PCM1: variants seen among roughly 807,000 people sequenced by gnomAD.
PCM1 encodes the protein pericentriolar material 1.
A neutral mutation model predicts 241.9 loss-of-function variants in PCM1; 157 were observed. That is an observed-to-expected ratio of 0.65 (90% CI 0.57 to 0.74). PCM1 has a LOEUF of 0.74. Ranked by LOEUF, PCM1 falls within the 30% of genes least tolerant of loss-of-function variation. PCM1 has a pLI of 0.00. For synonymous variants in PCM1, 1,085 were observed against 784.9 expected, an observed-to-expected ratio of 1.38 and a Z score of -6.39; for missense variants, 3,478 against 2,360.1, an observed-to-expected ratio of 1.47 and a Z score of -9.81.
rs898656396 is a variant in PCM1, at chr8:18,029,292, T to G, written c.*1630T>G. 9.6e-6 allele frequency: 2 copies of G among 208,018 alleles called. No individual in the cohort carries two copies. Among genetic ancestry groups the G allele is most frequent in the African/African-American group, 2.3e-5 (1 of 43,926 alleles). The allele number at this position is 208,018 out of a possible 1,614,324, so 12.9% of individuals were successfully genotyped here. On this transcript the variant is annotated 3_prime_UTR_variant, in exon 39 of 39. Coordinates refer to ENST00000325083, the MANE Select transcript of PCM1 (RefSeq NM_006197.4). Reference sequence around the variant, plus strand: ...TACTTAAATTATGGAAGACAATATATCTTCAACTTTAATAAAACCTATTCA... The same window carrying G: ...TACTTAAATTATGGAAGACAATATAGCTTCAACTTTAATAAAACCTATTCA...
intron 7 of PCM1, among the ~76,000 whole-genome samples, chr8:17,949,100 T>C (rs1209809955): frequency 6.6e-6 from 1 of 152,178 alleles, no homozygotes; most frequent in African/African-American, 2.4e-5. Context: ...AAAAATACTA[T>C]TATGAGTCAG....
At chr8:18,002,001 T>C (rs1486418239) in intron 29 of PCM1, among the ~76,000 whole-genome samples, 38 of 8,038 alleles carry the variant, frequency 4.7e-3, no homozygotes, top group Non-Finnish European at 9.7e-3. Context: ...CTTTCTTTTT[T>C]TTTTTTTTTT....
At chr8:18,024,942 T>TA in intron 36 of PCM1, 1 of 153,956 alleles carries the variant, frequency 6.5e-6, no homozygotes, top group Non-Finnish European at 1.4e-5. Flanking sequence ...AAAAGACAGT[T>TA]ACTAAATTCA....
At chr8:17,968,057 A>C (rs1222657869) in intron 21 of PCM1, among the ~76,000 whole-genome samples, 1 of 147,144 alleles carries the variant, frequency 6.8e-6, no homozygotes, top group East Asian at 1.9e-4. Flanking sequence ...TCCGCCGCCA[A>C]AAAAAAAAAA....
Position 18,009,582 on chromosome 8 carries a change from A to C in PCM1, c.4998A>C (p.Lys1666Asn), listed in dbSNP as rs200349185. Residue 1666 changes from lysine (K) to asparagine (N), a missense_variant, in exon 31 of 39, where the codon AAA becomes AAC. By Grantham distance (94) the Lys-to-Asn change is moderately conservative. Coordinates refer to ENST00000325083, the MANE Select transcript of PCM1 (RefSeq NM_006197.4). ...CAAAATTTGCTGGCAGAAAACTGAA[A>C]GACTGTGGAGAAGATCTTCTTGTAG... Reference protein sequence around the residue: ...SLAKFAGRKLKDCGEDLLVEI... With the variant: ...SLAKFAGRKLNDCGEDLLVEI... 6.2e-7 allele frequency: 1 copy of C among 1,602,530 alleles called. No homozygotes were observed. The highest frequency in any genetic ancestry group is 8.5e-7 in the Non-Finnish European group (1 of 1,173,934).
chr8:18,017,376 A>AT, intron 36 of PCM1, among the ~76,000 whole-genome samples: 1 of 152,236 alleles, frequency 6.6e-6, no homozygotes, highest in East Asian at 1.9e-4. Context: ...AAAACACAAG[A>AT]TTGGATGGCA....
chr8:18,011,184 C>T, intron 32 of PCM1, 53 bp from the exon 33 acceptor site: 4 of 1,328,216 alleles, frequency 3.0e-6, no homozygotes, highest in Non-Finnish European at 4.1e-6. Context: ...TTACTATATA[C>T]CTTTTACACA....
chr8:17,984,974 G>T (rs917252681), intron 24 of PCM1, among the ~76,000 whole-genome samples: 1 of 151,798 alleles, frequency 6.6e-6, no homozygotes, highest in African/African-American at 2.4e-5. Context: ...GACTATACTG[G>T]ATAGACCTTA....
chr8:17,937,440 A>G, intron 4 of PCM1, 61 bp downstream of exon 4: 1 of 1,373,226 alleles, frequency 7.3e-7, no homozygotes, highest in African/African-American at 1.5e-5. Context: ...AATGGATTAA[A>G]TAATTTGTCT....
chr8:17,968,426 A>G (rs2075704627), intron 21 of PCM1, among the ~76,000 whole-genome samples: 2 of 152,184 alleles, frequency 1.3e-5, no homozygotes, highest in South Asian at 4.1e-4. Flanking sequence ...TGGTGAACAG[A>G]AGGCTGTCAT....
At chr8:18,000,281 A>G (rs528048511) in intron 29 of PCM1, among the ~76,000 whole-genome samples, 1 of 152,330 alleles carries the variant, frequency 6.6e-6, no homozygotes, top group African/African-American at 2.4e-5. Flanking sequence ...GGCAAGGGCT[A>G]ATTGTATAAA....
At chr8:17,943,265 T>C (rs1044482560) in intron 6 of PCM1, among the ~76,000 whole-genome samples, 7 of 151,858 alleles carry the variant, frequency 4.6e-5, no homozygotes, top group African/African-American at 1.7e-4. Flanking sequence ...TTATTTTTTC[T>C]GGTTCCTACA....
At position 17,957,377 on chromosome 8, in the gene PCM1, G is replaced by T. The variant is rs775691420; in HGVS notation, c.1760G>T (p.Arg587Ile). ...TVNSNCEINN[R>I]SAANIRALNM... ...AATTCTAATTGTGAAATTAACAACA[G>T]ATCTGCTGCCAACATAAGGGCTCTA... is the stretch of plus-strand genomic sequence containing the variant. Residue 587 changes from arginine to isoleucine, a missense_variant, in exon 12 of 39, where the codon AGA becomes ATA. Physicochemically the swap from Arg to Ile is moderately conservative, Grantham distance 97. Coordinates refer to ENST00000325083, the MANE Select transcript of PCM1 (RefSeq NM_006197.4). 3.1e-6 allele frequency: 5 copies of T among 1,612,440 alleles called. No individual in the cohort carries two copies. Among genetic ancestry groups the T allele is most frequent in the Admixed American group, 3.3e-5 (2 of 60,000 alleles).
chr8:17,951,049 A>C (rs906983638), intron 8 of PCM1, among the ~76,000 whole-genome samples: 8 of 152,346 alleles, frequency 5.3e-5, no homozygotes, highest in African/African-American at 1.9e-4. Context: ...TAAAAGACTT[A>C]ATGGTCACAA....
rs375045981 is a variant in PCM1 at position 17,986,120 on chromosome 8, T to A, written c.4410+33T>A. 4.3e-5 allele frequency: 60 copies of A among 1,400,476 alleles called. No homozygotes were observed. In the South Asian group the frequency reaches 5.4e-4, roughly 13 times the overall value. The allele number at this position is 1,400,476 out of a possible 1,614,324, so 86.8% of individuals were successfully genotyped here. On this transcript the variant is annotated intron_variant, in intron 26 of 38. Transcript: ENST00000325083. ...GATAATGATTAGTGAATTGTAGATA[T>A]AATTTTAGTATGCAGTAAATAAAAG...
intron 5 of PCM1, 51 bp from the exon 6 acceptor site, chr8:17,939,640 T>C (rs970002905): frequency 3.9e-5 from 41 of 1,053,850 alleles, no homozygotes; most frequent in Non-Finnish European, 5.3e-5. Context: ...TCCTTAGTTT[T>C]ATATATTGTG....
intron 26 of PCM1, among the ~76,000 whole-genome samples, chr8:17,986,600 T>C (rs2082687571): frequency 6.6e-6 from 1 of 151,608 alleles, no homozygotes; most frequent in Non-Finnish European, 1.5e-5. Flanking sequence ...AGAAGAGTGC[T>C]AAGGAGAATG....
rs1357825712 is a variant in PCM1, at chr8:17,969,685, C to A, written c.3521C>A (p.Thr1174Lys). 1.2e-6 allele frequency: 2 copies of A among 1,613,000 alleles called. No homozygotes were observed. Among genetic ancestry groups the A allele is most frequent in the Non-Finnish European group, 1.7e-6 (2 of 1,179,310 alleles). ...QPLAQNSSGK[T>K]EYMAFPKPFE... Reference sequence around the variant, plus strand: ...TTAGCCCAGAATTCTTCAGGAAAAACAGAATATATGGCTTTTCCAAAACCT... The same window carrying A: ...TTAGCCCAGAATTCTTCAGGAAAAAAAGAATATATGGCTTTTCCAAAACCT... The change falls in exon 22 of 39, where the codon ACA becomes AAA. Residue 1174 changes from threonine to lysine, a missense_variant. Coordinates refer to ENST00000325083, the MANE Select transcript of PCM1 (RefSeq NM_006197.4).
intron 38 of PCM1, 34 bp from the exon 39 acceptor site, chr8:18,027,603 G>GTAATT: frequency 2.7e-6 from 4 of 1,505,654 alleles, no homozygotes; most frequent in East Asian, 2.3e-5. Flanking sequence ...AATTCGATAA[G>GTAATT]TAATTTATAA....
Sources: gnomAD v4.1 joint callset for allele counts (sites outside exome capture counted in the v4.1 genomes callset) on GRCh38, gnomAD v4.1.1 for gene constraint, MANE v1.5 for transcripts, NCBI Gene and HGNC (gene_info 2026-07-23, HGNC 2026-07-21) for gene names.